PHLDB1: variants seen among roughly 807,000 people sequenced by gnomAD.
PHLDB1 encodes pleckstrin homology-like domain family B member 1.
PHLDB1 carries 65 observed loss-of-function variants against 139.3 expected under a neutral mutation model. The ratio of observed to expected loss-of-function variants is 0.47; its 90% confidence interval spans 0.38 to 0.57. The LOEUF is 0.57. PHLDB1 is among the 20% of genes least tolerant of loss of function. PHLDB1 has a pLI of 0.00. For synonymous variants in PHLDB1, 679 were observed against 734.5 expected (o/e 0.92, Z 1.22); for missense variants, 1,624 against 1,839.7 (o/e 0.88, Z 2.14).
chr11:118,613,751 G>A (rs549666567), intron 1 of PHLDB1, 65 bp from the exon 2 acceptor site: 1 of 972,268 alleles, frequency 1.0e-6, no homozygotes, highest in Admixed American at 2.0e-5. Context: ...CCCTGCCACA[G>A]AACCTACTTC....
At position 118,627,720 on chromosome 11, in the gene PHLDB1, A is replaced by G; in HGVS notation, c.897A>G (p.Pro299=). The change falls in exon 6 of 23, where the codon CCA becomes CCG. Residue 299 remains proline, a synonymous_variant. Transcript: ENST00000600882. ...SSSYHLALQP[P]QSRPSGARSE... The stretch of plus-strand genomic sequence containing the variant: ...GCTACCATCTGGCCCTACAGCCCCC[A>G]CAGTCCCGCCCAAGTGGTGCTCGCT... The G allele has an allele frequency of 6.2e-7, 1 of 1,609,922 alleles. No homozygotes were observed. The highest frequency in any genetic ancestry group is 2.2e-5 in the East Asian group (1 of 44,876).
intron 12 of PHLDB1, 140 bp downstream of exon 12, chr11:118,639,391 C>T (rs1046136296): frequency 2.7e-5 from 18 of 671,916 alleles, no homozygotes; most frequent in Non-Finnish European, 4.0e-5. Context: ...GGAGGAATGG[C>T]CCCAAGCTCT....
At chr11:118,626,998 A>C in intron 5 of PHLDB1, 1 of 389,224 alleles carries the variant, frequency 2.6e-6, no homozygotes, top group Non-Finnish European at 4.6e-6. Context: ...AGATTGGAGG[A>C]GTCTAGTCTT....
At position 118,642,380 on chromosome 11, in the gene PHLDB1, T is replaced by C. The variant is rs1178291284; in HGVS notation, c.2863T>C (p.Ser955Pro). 3.7e-6 allele frequency: 6 copies of C among 1,609,000 alleles called. No homozygotes were observed. The highest frequency in any genetic ancestry group is 5.1e-6 in the Non-Finnish European group (6 of 1,179,910). ...TCCCCCGCCTCTGCCCGCCAAAGCT[T>C]CCCGTCAGCTGCAGGTAACCCCTCC... ...SSPPPLPAKA[S>P]RQLQVYRSKM... The change falls in exon 13 of 23, where the codon TCC becomes CCC. Residue 955 changes from serine (S) to proline (P), a missense_variant. Ser to Pro is a moderately conservative substitution (Grantham distance 74, BLOSUM62 -1). Coordinates refer to ENST00000600882, the MANE Select transcript of PHLDB1 (RefSeq NM_001144758.3).
intron 17 of PHLDB1, chr11:118,647,574 C>T (rs1591747889): frequency 5.8e-6 from 1 of 171,596 alleles, no homozygotes; most frequent in Non-Finnish European, 1.3e-5. Context: ...GTTAGCTGGG[C>T]ATGGTGGCAG....
At chr11:118,612,498 C>G (rs1555084944) in intron 1 of PHLDB1, among the ~76,000 whole-genome samples, 2 of 152,282 alleles carry the variant, frequency 1.3e-5, no homozygotes, top group East Asian at 3.9e-4. Flanking sequence ...TGGGGAGGTG[C>G]CAGGCCAGCT....
At chr11:118,618,224 C>A (rs1555091385) in intron 4 of PHLDB1, among the ~76,000 whole-genome samples, 1 of 152,154 alleles carries the variant, frequency 6.6e-6, no homozygotes, top group Admixed American at 6.5e-5. Flanking sequence ...CCCCCATAGC[C>A]TTCTTGTCTG....
chr11:118,616,053 T>C lies in PHLDB1; in HGVS notation c.197T>C (p.Ile66Thr), dbSNP rs1333672917. ...CTCTTGTCTCCAGGGAGGACGGTGA[T>C]TGGCTCTGCAGCCAGAGACATCTCA... Reference protein sequence around the residue: ...LLPLEEGRTVIGSAARDISLQ... With the variant: ...LLPLEEGRTVTGSAARDISLQ... The change falls in exon 4 of 23, where the codon ATT (isoleucine) becomes ACT (threonine). Residue 66 changes from isoleucine to threonine, a missense_variant. Coordinates refer to ENST00000600882, the MANE Select transcript of PHLDB1 (RefSeq NM_001144758.3). 3.1e-6 allele frequency: 5 copies of C among 1,613,050 alleles called. No individual in the cohort carries two copies. Among genetic ancestry groups the C allele is most frequent in the East Asian group, 2.2e-5 (1 of 44,854 alleles).
intron 5 of PHLDB1, among the ~76,000 whole-genome samples, chr11:118,626,571 T>C (rs1021581086): frequency 6.6e-6 from 1 of 152,028 alleles, no homozygotes; most frequent in East Asian, 1.9e-4. Context: ...TTAGTAGAGA[T>C]GGGGTTTCAC....
At chr11:118,637,127 C>T (rs1490802342) in intron 10 of PHLDB1, 1 of 152,212 alleles carries the variant, frequency 6.6e-6, no homozygotes, top group Non-Finnish European at 1.5e-5. Flanking sequence ...ATAGATGATT[C>T]TAATCCGTGC....
chr11:118,636,303 G>A (rs1448735654), intron 10 of PHLDB1, among the ~76,000 whole-genome samples: 2 of 152,146 alleles, frequency 1.3e-5, no homozygotes, highest in African/African-American at 2.4e-5. Context: ...TAGTGTGGGG[G>A]AAGTGAGGGT....
In PHLDB1 at chr11:118,607,687, C is replaced by CT. The variant is rs1339982897; in HGVS notation, c.-34_-33insT. ...AAGGGACCAGTGTCTCCCTGCCCCC[C>CT]CCCCACCTCTAGGTAAGAGCGCCCC... On this transcript the variant is annotated 5_prime_UTR_variant, in exon 1 of 23. Coordinates refer to ENST00000600882, the MANE Select transcript of PHLDB1 (RefSeq NM_001144758.3). 1 of 151,438 alleles carries CT rather than the reference C, an allele frequency of 6.6e-6. No homozygotes were observed. Among genetic ancestry groups the CT allele is most frequent in the African/African-American group, 2.4e-5 (1 of 40,942 alleles). The allele number at this position is 151,438 out of a possible 1,614,324, so 9.4% of individuals were successfully genotyped here. A position where few individuals can be genotyped will look rare whatever the true frequency, so the allele number is the denominator to read the frequency against.
chr11:118,609,798 A>G (rs536120321), intron 1 of PHLDB1, among the ~76,000 whole-genome samples: 59 of 152,328 alleles, frequency 3.9e-4, no homozygotes, highest in African/African-American at 1.4e-3. Flanking sequence ...GGGCAGGAGC[A>G]GGCCGAGGGG....
Position 118,628,089 on chromosome 11 carries a change from C to T in PHLDB1, c.1266C>T (p.Arg422=). 6.2e-7 allele frequency: 1 copy of T among 1,614,106 alleles called. No homozygotes were observed. Among genetic ancestry groups the T allele is most frequent in the Non-Finnish European group, 8.5e-7 (1 of 1,180,032 alleles). ...GGGTGCTAACAACCAGCCCCTCACG[C>T]CAACTGGTGGGCCGAACATTTTCAG... ...SERVLTTSPS[R]QLVGRTFSDG... Residue 422 remains arginine (R), a synonymous_variant, in exon 6 of 23, where the codon CGC becomes CGT. Coordinates refer to ENST00000600882, the MANE Select transcript of PHLDB1 (RefSeq NM_001144758.3).
chr11:118,630,876 T>C (rs190209914), intron 6 of PHLDB1, among the ~76,000 whole-genome samples: 4 of 151,806 alleles, frequency 2.6e-5, no homozygotes, highest in Admixed American at 2.0e-4. Context: ...TGTGGGTCCA[T>C]TTGGTGTGTT....
chr11:118,614,946 C>T (rs1377600146), intron 3 of PHLDB1: 3 of 385,016 alleles, frequency 7.8e-6, no homozygotes, highest in African/African-American at 2.1e-5. Context: ...CCTGTTATCC[C>T]AGCACTTTGG....
upstream of PHLDB1, chr11:118,607,478 T>G (rs1397985061): frequency 1.5e-5 from 2 of 136,658 alleles, no homozygotes; most frequent in Non-Finnish European, 3.1e-5. Context: ...TGGGGGGACC[T>G]TGGGCTCCAG....
chr11:118,627,258 T>C (rs374852737), intron 5 of PHLDB1, 47 bp from the exon 6 acceptor site: 2 of 1,596,110 alleles, frequency 1.3e-6, no homozygotes, highest in Non-Finnish European at 1.7e-6. Flanking sequence ...CTGGCTTTTA[T>C]GCATATGCAG....
At chr11:118,616,577 A>G (rs1334333032) in intron 4 of PHLDB1, among the ~76,000 whole-genome samples, 1 of 152,240 alleles carries the variant, frequency 6.6e-6, no homozygotes, top group African/African-American at 2.4e-5. Flanking sequence ...CCATGATGCC[A>G]AGAGGAAGTT....
Sources: gnomAD v4.1 joint callset for allele counts (sites outside exome capture counted in the v4.1 genomes callset) on GRCh38, gnomAD v4.1.1 for gene constraint, MANE v1.5 for transcripts, NCBI Gene and HGNC (gene_info 2026-07-23, HGNC 2026-07-21) for gene names.